TAFA1: variants seen among roughly 807,000 people sequenced by gnomAD.
TAFA1 encodes chemokine-like protein TAFA-1.
A neutral mutation model predicts 18.5 loss-of-function variants in TAFA1; 4 were observed. The observed-to-expected ratio is 0.22, with a 90% CI of 0.11 to 0.49. TAFA1 has a LOEUF of 0.49. Ranked by LOEUF, TAFA1 falls within the 20% of genes least tolerant of loss-of-function variation. TAFA1 has a pLI of 0.98. For missense variants in TAFA1, 147 were observed against 169.0 expected (o/e 0.87, Z 0.72); for synonymous variants, 56 against 55.2 (o/e 1.01, Z -0.06).
intron 3 of TAFA1, among the ~76,000 whole-genome samples, chr3:68,451,806 G>A (rs1486866225): frequency 6.6e-6 from 1 of 152,212 alleles, no homozygotes; most frequent in Non-Finnish European, 1.5e-5. Flanking sequence ...GAGAGGTGGT[G>A]ATATGAAATG....
At chr3:68,502,768 A>G (rs1192144200) in intron 3 of TAFA1, among the ~76,000 whole-genome samples, 2 of 152,146 alleles carry the variant, frequency 1.3e-5, no homozygotes, top group African/African-American at 2.4e-5. Context: ...GGCATCATCT[A>G]TAACAGTTTT....
chr3:68,447,780 G>C (rs1169524816), intron 3 of TAFA1, among the ~76,000 whole-genome samples: 1 of 152,196 alleles, frequency 6.6e-6, no homozygotes, highest in African/African-American at 2.4e-5. Context: ...AAGCCTGTGT[G>C]AGGAAGTATT....
At chr3:68,429,263 G>A (rs1186908905) in intron 3 of TAFA1, among the ~76,000 whole-genome samples, 1 of 151,856 alleles carries the variant, frequency 6.6e-6, no homozygotes, top group African/African-American at 2.4e-5. Context: ...GCTAAAACTG[G>A]TAATTTTACT....
intron 2 of TAFA1, among the ~76,000 whole-genome samples, chr3:68,035,520 G>C (rs1303522065): frequency 6.6e-6 from 1 of 151,918 alleles, no homozygotes; most frequent in Non-Finnish European, 1.5e-5. Context: ...ATTCCGATTA[G>C]AATGGCAAAA....
At chr3:68,340,736 G>T (rs2069067560) in intron 2 of TAFA1, among the ~76,000 whole-genome samples, 1 of 152,048 alleles carries the variant, frequency 6.6e-6, no homozygotes, top group Non-Finnish European at 1.5e-5. Flanking sequence ...ATTAATTCAA[G>T]TACTGAGCAT....
chr3:68,239,095 A>G (rs529042338), intron 2 of TAFA1, among the ~76,000 whole-genome samples: 10 of 152,290 alleles, frequency 6.6e-5, no homozygotes, highest in Admixed American at 1.3e-4. Context: ...AAAGATTTGA[A>G]TCATGGTAGA....
intron 2 of TAFA1, among the ~76,000 whole-genome samples, chr3:68,078,611 A>T (rs1321633587): frequency 1.3e-5 from 2 of 151,954 alleles, no homozygotes; most frequent in African/African-American, 4.8e-5. Context: ...GCTGGATTAC[A>T]TTTATTGATT....
intron 2 of TAFA1, among the ~76,000 whole-genome samples, chr3:68,102,020 C>CT (rs2065153410): frequency 6.6e-6 from 1 of 152,010 alleles, no homozygotes; most frequent in African/African-American, 2.4e-5. Context: ...AATCAAGTGT[C>CT]TTGTCAAAAA....
intron 2 of TAFA1, among the ~76,000 whole-genome samples, chr3:68,021,108 C>T (rs534727205): frequency 7.5e-6 from 1 of 133,134 alleles, no homozygotes; most frequent in African/African-American, 2.7e-5. Flanking sequence ...ATTGCTTGAA[C>T]CTGGGAGGCA....
intron 3 of TAFA1, among the ~76,000 whole-genome samples, chr3:68,508,340 A>T (rs1362179633): frequency 6.6e-6 from 1 of 151,968 alleles, no homozygotes; most frequent in Non-Finnish European, 1.5e-5. Context: ...GCAGTCCATA[A>T]CTACCTGAAA....
chr3:68,295,860 T>C (rs142077650), intron 2 of TAFA1, among the ~76,000 whole-genome samples: 16 of 152,322 alleles, frequency 1.1e-4, no homozygotes, highest in African/African-American at 3.6e-4. Flanking sequence ...TCCTCTCTCC[T>C]TGGCCTCCTG....
intron 2 of TAFA1, among the ~76,000 whole-genome samples, chr3:68,063,465 T>C (rs961683051): frequency 1.3e-5 from 2 of 152,172 alleles, no homozygotes; most frequent in African/African-American, 2.4e-5. Context: ...AAAATGAAAA[T>C]AGTTTTTGAA....
chr3:68,218,872 C>T (rs2066695006), intron 2 of TAFA1, among the ~76,000 whole-genome samples: 1 of 152,058 alleles, frequency 6.6e-6, no homozygotes, highest in South Asian at 2.1e-4. Context: ...TCTTTGATAA[C>T]TTTAGTTTCT....
chr3:68,443,143 C>G (rs2071414745), intron 3 of TAFA1, among the ~76,000 whole-genome samples: 1 of 152,096 alleles, frequency 6.6e-6, no homozygotes, highest in Non-Finnish European at 1.5e-5. Context: ...TACATACACT[C>G]AAATTCCATT....
intron 2 of TAFA1, among the ~76,000 whole-genome samples, chr3:68,033,055 C>T (rs989135665): frequency 2.0e-5 from 3 of 152,076 alleles, no homozygotes; most frequent in African/African-American, 7.2e-5. Flanking sequence ...AATATATATA[C>T]TCAACAGTCA....
intron 2 of TAFA1, among the ~76,000 whole-genome samples, chr3:68,367,982 A>G (rs1303475369): frequency 1.3e-5 from 2 of 152,212 alleles, no homozygotes; most frequent in African/African-American, 4.8e-5. Flanking sequence ...ACTCAAATGC[A>G]AACAGCTTAT....
chr3:68,350,611 A>G (rs181793357), intron 2 of TAFA1, among the ~76,000 whole-genome samples: 40 of 152,262 alleles, frequency 2.6e-4, no homozygotes, highest in Non-Finnish European at 5.0e-4. Context: ...AAGGACAGGT[A>G]TTGTACTTCC....
intron 2 of TAFA1, among the ~76,000 whole-genome samples, chr3:68,103,713 C>G (rs539268953): frequency 6.6e-6 from 1 of 152,216 alleles, no homozygotes; most frequent in East Asian, 1.9e-4. Flanking sequence ...TCATCATCAT[C>G]AAAATAATTA....
At chr3:68,343,673 A>G (rs923866816) in intron 2 of TAFA1, among the ~76,000 whole-genome samples, 38 of 152,162 alleles carry the variant, frequency 2.5e-4, no homozygotes, top group African/African-American at 8.7e-4. Flanking sequence ...TTCAAACTAT[A>G]TCTCTGTTGC....
Sources: gnomAD v4.1 joint callset for allele counts (sites outside exome capture counted in the v4.1 genomes callset) on GRCh38, gnomAD v4.1.1 for gene constraint, MANE v1.5 for transcripts, NCBI Gene and HGNC (gene_info 2026-07-23, HGNC 2026-07-21) for gene names.